TDRD9: variants seen among roughly 807,000 people sequenced by gnomAD.
TDRD9 encodes ATP-dependent RNA helicase TDRD9.
In TDRD9, 124 loss-of-function variants were observed where a neutral mutation model predicts 172.6. The ratio of observed to expected loss-of-function variants is 0.72; its 90% CI spans 0.62 to 0.83. TDRD9 has a LOEUF of 0.83. Ranked by LOEUF, TDRD9 falls within the 40% of genes least tolerant of loss-of-function variation. TDRD9 has a pLI of 0.00. For synonymous variants in TDRD9, 619 were observed against 617.1 expected (o/e 1.00, Z -0.05); for missense variants, 1,479 against 1,714.1 (o/e 0.86, Z 2.42).
At chr14:104,042,785 A>G (rs948150847) in intron 34 of TDRD9, among the ~76,000 whole-genome samples, 42 of 152,168 alleles carry the variant, frequency 2.8e-4, no homozygotes, top group African/African-American at 1.0e-3. Flanking sequence ...TCTCCCTGGG[A>G]AGGGCCCGGT....
At chr14:103,995,837 A>C (rs778771453) in intron 12 of TDRD9, 30 bp downstream of exon 12, 2 of 1,581,650 alleles carry the variant, frequency 1.3e-6, no homozygotes, top group Non-Finnish European at 1.7e-6. Flanking sequence ...ACCTCCTGGC[A>C]TTAGCTGTAG....
chr14:103,961,564 A>G (rs948684057), intron 2 of TDRD9, among the ~76,000 whole-genome samples: 8 of 151,426 alleles, frequency 5.3e-5, no homozygotes, highest in Admixed American at 5.3e-4. Flanking sequence ...CTCTGTCCAG[A>G]AAAAGAAAAA....
intron 8 of TDRD9, among the ~76,000 whole-genome samples, chr14:103,989,319 G>A (rs1177218132): frequency 6.6e-5 from 10 of 152,122 alleles, no homozygotes; most frequent in African/African-American, 2.4e-4. Context: ...TGGCTTTTAT[G>A]ACTTCCTGTA....
chr14:104,031,202 A>G lies in TDRD9; in HGVS notation c.3377A>G (p.Tyr1126Cys), dbSNP rs1335904184. Reference protein sequence around the residue: ...VPFPMKDDEKYLIRILLESFS... With the variant: ...VPFPMKDDEKCLIRILLESFS... ...TTTCCCATGAAAGACGACGAGAAAT[A>G]TCTCATCCGGATTTTGTTAGAGAGC... The change falls in exon 29 of 36, where the codon TAT (tyrosine) becomes TGT (cysteine). Residue 1126 changes from tyrosine (Y) to cysteine (C), a missense_variant. Physicochemically the swap from Tyr to Cys is radical, Grantham distance 194 (BLOSUM62 -2). Around this residue, in one of 3 missense-constraint regions of TDRD9, gnomAD observed 1,413 missense variants for 1,649.1 expected, o/e 0.86. Coordinates refer to ENST00000409874, the MANE Select transcript of TDRD9 (RefSeq NM_153046.3). The G allele has an allele frequency of 6.4e-7, 1 of 1,551,868 alleles. No homozygotes were observed. Among genetic ancestry groups the G allele is most frequent in the South Asian group, 1.2e-5 (1 of 84,062 alleles).
chr14:103,952,738 T>C (rs1247521697), intron 1 of TDRD9, among the ~76,000 whole-genome samples: 1 of 128,568 alleles, frequency 7.8e-6, no homozygotes, highest in Non-Finnish European at 1.7e-5. Context: ...TCTTTTTTTT[T>C]TTTTTTTTTT....
At chr14:103,993,905 A>G (rs1354163723) in intron 9 of TDRD9, among the ~76,000 whole-genome samples, 1 of 152,250 alleles carries the variant, frequency 6.6e-6, no homozygotes, top group South Asian at 2.1e-4. Flanking sequence ...AGCACCTGCT[A>G]GCTTAGCTTT....
At chr14:103,953,685 G>A (rs900890331) in intron 1 of TDRD9, among the ~76,000 whole-genome samples, 1 of 152,170 alleles carries the variant, frequency 6.6e-6, no homozygotes, top group Non-Finnish European at 1.5e-5. Context: ...GACAAAGCCT[G>A]AGAACCTGGG....
chr14:103,928,746 G>A, intron 1 of TDRD9, 22 bp downstream of exon 1: 1 of 1,016,132 alleles, frequency 9.8e-7, no homozygotes, highest in Non-Finnish European at 1.2e-6. Context: ...GCGGGGCGGA[G>A]GCGGCTGGAG....
intron 6 of TDRD9, among the ~76,000 whole-genome samples, chr14:103,974,483 G>A (rs1002909522): frequency 6.6e-6 from 1 of 152,154 alleles, no homozygotes; most frequent in Non-Finnish European, 1.5e-5. Context: ...TCTTGCCCCA[G>A]TCTGGGGTTG....
intron 2 of TDRD9, among the ~76,000 whole-genome samples, chr14:103,958,168 A>G (rs1381724425): frequency 6.6e-6 from 1 of 152,142 alleles, no homozygotes; most frequent in Non-Finnish European, 1.5e-5. Context: ...TGCTTTTTGG[A>G]AATAAGTTAT....
rs563680283 is a variant in TDRD9, at chr14:103,981,558, C to T, written c.1012-4659C>T. On this transcript the variant is annotated intron_variant, in intron 7 of 35. Coordinates refer to ENST00000409874, the MANE Select transcript of TDRD9 (RefSeq NM_153046.3). ...TATTTCAGTGAATGAATATGCAACA[C>T]TTAGCTGTATACAGATGTTCCTTGA... Among the ~76,000 whole-genome samples the T allele has an allele frequency of 2.0e-5, 3 of 152,208 alleles. No homozygotes were observed. The South Asian group carries it at 6.2e-4, about 31-fold the overall frequency.
At chr14:103,973,398 GTTCCCCCGACCTGGC>G (rs764122300) in intron 6 of TDRD9, among the ~76,000 whole-genome samples, 1 of 152,108 alleles carries the variant, frequency 6.6e-6, no homozygotes, top group Admixed American at 6.5e-5. Context: ...GGTCCCTGTG[GTTCCCCCGACCTGGC>G]TTCCTCTCAC....
chr14:103,998,785 C>A, intron 13 of TDRD9, 57 bp downstream of exon 13: 6 of 863,406 alleles, frequency 6.9e-6, no homozygotes, highest in South Asian at 1.5e-5. Context: ...GTGGCACATT[C>A]AGGTGCTTTT....
In TDRD9 at chr14:103,956,706, A is replaced by G. The variant is rs1000473760; in HGVS notation, c.322+936A>G. Among the ~76,000 whole-genome samples, 6 of 152,278 alleles carry G rather than the reference A, an allele frequency of 3.9e-5. No homozygotes were observed. The South Asian group carries it at 8.3e-4, about 21-fold the overall frequency. On this transcript the variant is annotated intron_variant, in intron 2 of 35. Coordinates refer to ENST00000409874, the MANE Select transcript of TDRD9 (RefSeq NM_153046.3). ...AGATATTAAAATGACATTTTAAACA[A>G]TGCAGAAATGTATAAAATAAAAAAG...
intron 1 of TDRD9, among the ~76,000 whole-genome samples, chr14:103,949,641 C>G (rs923777235): frequency 6.6e-6 from 1 of 152,174 alleles, no homozygotes; most frequent in Non-Finnish European, 1.5e-5. Flanking sequence ...GGTTATGACT[C>G]ATGAAGACAC....
Position 104,011,094 on chromosome 14 carries a change from G to C in TDRD9, c.2106+2628G>C, listed in dbSNP as rs143174601. On this transcript the variant is annotated intron_variant, in intron 20 of 35. Coordinates refer to ENST00000409874, the MANE Select transcript of TDRD9 (RefSeq NM_153046.3). ...GGCAACAGGAATTTTCTAGCTCTGT[G>C]ACGGTCTTATGGGTCCACAGTTCTA... Among the ~76,000 whole-genome samples, 20 of 152,314 alleles carry C rather than the reference G, an allele frequency of 1.3e-4. No individual in the cohort carries two copies. In the East Asian group the frequency reaches 3.9e-3, roughly 29 times the overall value.
intron 2 of TDRD9, among the ~76,000 whole-genome samples, chr14:103,961,954 A>C (rs950690360): frequency 6.6e-6 from 1 of 152,176 alleles, no homozygotes; most frequent in African/African-American, 2.4e-5. Flanking sequence ...GTCGTGGGGT[A>C]AGGGAATGAG....
chr14:103,999,643 A>ACATTTAATTTTTTAATCTTCCT (rs1566771643), intron 13 of TDRD9, among the ~76,000 whole-genome samples: 1 of 130,466 alleles, frequency 7.7e-6, no homozygotes, highest in Admixed American at 7.5e-5. Flanking sequence ...TGTTTTTTAG[A>ACATTTAATTTTTTAATCTTCCT]AAACCTTTTG....
chr14:103,967,377 T>G (rs574570673), intron 5 of TDRD9, among the ~76,000 whole-genome samples: 160 of 134,952 alleles, frequency 1.2e-3, no homozygotes, highest in Non-Finnish European at 1.6e-3. Context: ...AAAAAAAGAT[T>G]AGCTGGGTGC....
Sources: gnomAD v4.1 joint callset for allele counts (sites outside exome capture counted in the v4.1 genomes callset) on GRCh38, gnomAD v4.1.1 for gene constraint, gnomAD v4.1.1 regional missense constraint, MANE v1.5 for transcripts, NCBI Gene and HGNC (gene_info 2026-07-23, HGNC 2026-07-21) for gene names.